IQGAP3: variants seen among roughly 807,000 people sequenced by gnomAD.
The protein encoded by IQGAP3 is ras GTPase-activating-like protein IQGAP3.
Under a neutral mutation model 208.2 loss-of-function variants are expected in IQGAP3, and 165 were observed. The ratio of observed to expected loss-of-function variants is 0.79; its 90% CI spans 0.70 to 0.90. IQGAP3 has a LOEUF of 0.90. Among genes scored for constraint, IQGAP3 ranks in the 40% least tolerant of loss-of-function variants. The probability of loss-of-function intolerance (pLI) is 0.00; values close to 1 mark genes in which losing one functional copy is unlikely to be tolerated. For missense variants in IQGAP3, 1,811 were observed against 2,043.1 expected (o/e 0.89, Z 2.19); for synonymous variants, 703 against 803.6 (o/e 0.87, Z 2.12).
intron 34 of IQGAP3, 58 bp downstream of exon 34, chr1:156,530,047 T>C: frequency 2.2e-6 from 3 of 1,350,864 alleles, no homozygotes; most frequent in Non-Finnish European, 3.1e-6. Context: ...AACATGTATA[T>C]GCACGCACAC....
At position 156,572,378 on chromosome 1, in the gene IQGAP3, C is replaced by T; in HGVS notation, c.37+115G>A. On this transcript the variant is annotated intron_variant, in intron 1 of 37. Transcript: ENST00000361170. ...TTCCCGTCCCACTGAGCAGTCCCAC[C>T]GCCCTCGCCCCTCAGGCTTCACGCC... 3 of 1,161,596 alleles carry T rather than the reference C, an allele frequency of 2.6e-6. No homozygotes were observed. In the South Asian group the frequency reaches 3.7e-5, roughly 14 times the overall value. 72.0% of individuals were successfully genotyped at this position (1,161,596 alleles called of 1,614,324 possible).
chr1:156,562,744 T>C, intron 8 of IQGAP3, 79 bp from the exon 9 acceptor site: 3 of 1,252,980 alleles, frequency 2.4e-6, no homozygotes, highest in Admixed American at 3.4e-5. Context: ...CTGGCTACAC[T>C]TATTTCTTCT....
intron 19 of IQGAP3, among the ~76,000 whole-genome samples, chr1:156,545,503 CTT>C (rs34641885): frequency 7.7e-5 from 11 of 142,402 alleles, no homozygotes; most frequent in East Asian, 2.0e-4. Context: ...TACTTCCTGT[CTT>C]TTTTTTTTTT....
At chr1:156,527,928 A>G in intron 37 of IQGAP3, 24 bp downstream of exon 37, 6 of 1,518,628 alleles carry the variant, frequency 4.0e-6, no homozygotes, top group Non-Finnish European at 5.5e-6. Flanking sequence ...GATGTCCTGC[A>G]GGCTCATGGG....
intron 31 of IQGAP3, 94 bp downstream of exon 31, chr1:156,533,679 C>T: frequency 2.1e-6 from 2 of 970,290 alleles, no homozygotes; most frequent in Non-Finnish European, 3.2e-6. Context: ...AAGACCTAGG[C>T]TGCATGGGCA....
chr1:156,554,115 G>T, intron 13 of IQGAP3, 120 bp downstream of exon 13: 1 of 1,220,342 alleles, frequency 8.2e-7, no homozygotes, highest in Non-Finnish European at 1.1e-6. Flanking sequence ...AGACCCAGAG[G>T]GTGGGCCTGG....
At position 156,569,397 on chromosome 1, in the gene IQGAP3, C is replaced by G; in HGVS notation, c.104G>C (p.Cys35Ser). ...RRQNVAYQYL[C>S]RLEEAKRWME... ...TCACCGCTTGGCCTCCTCCAGCCGG[C>G]ACAGGTACTGATAGGCAACATTCTG... The change falls in exon 2 of 38, where the codon TGC becomes TCC. Residue 35 changes from cysteine (C) to serine (S), a missense_variant. Physicochemically the swap from Cys to Ser is moderately radical, Grantham distance 112. Coordinates refer to ENST00000361170, the MANE Select transcript of IQGAP3 (RefSeq NM_178229.5). 1 of 1,613,514 alleles carries G rather than the reference C, an allele frequency of 6.2e-7. No individual in the cohort carries two copies.
chr1:156,550,406 TC>T, intron 15 of IQGAP3, 55 bp from the exon 16 acceptor site: 1 of 1,413,338 alleles, frequency 7.1e-7, no homozygotes, highest in Non-Finnish European at 9.9e-7. Context: ...CTCTCTAGGT[TC>T]CCAGGCCAAG....
In IQGAP3 at chr1:156,526,574, C is replaced by A. The variant is rs761919172; in HGVS notation, c.4808G>T (p.Gly1603Val). Residue 1603 changes from glycine (G) to valine (V), a missense_variant, in exon 38 of 38, where the codon GGT (glycine) becomes GTT (valine). Transcript: ENST00000361170. The part of the protein sequence containing the change: ...YQDLLQLQYE[G>V]VAVMKLFNKA... ...GTTGAAGAGTTTCATGACAGCCACACCCTCATACTGGAGCTGCAGGAGATC... is the reference window on the plus strand; with the variant it reads ...GTTGAAGAGTTTCATGACAGCCACAACCTCATACTGGAGCTGCAGGAGATC... 1 of 1,613,876 alleles carries A rather than the reference C, an allele frequency of 6.2e-7. No homozygotes were observed. Among genetic ancestry groups the A allele is most frequent in the Non-Finnish European group, 8.5e-7 (1 of 1,179,860 alleles).
intron 12 of IQGAP3, among the ~76,000 whole-genome samples, chr1:156,555,924 T>G (rs186498168): frequency 3.3e-4 from 50 of 152,366 alleles, no homozygotes; most frequent in African/African-American, 1.2e-3. Flanking sequence ...ATCCAAGTCA[T>G]GCTGGGAGTA....
Position 156,548,174 on chromosome 1 carries a change from T to A in IQGAP3, c.2203A>T (p.Ile735Phe). 1 of 1,614,104 alleles carries A rather than the reference T, an allele frequency of 6.2e-7. No homozygotes were observed. The highest frequency in any genetic ancestry group is 8.5e-7 in the Non-Finnish European group (1 of 1,180,018). ...QLWKANVGFV[I>F]QLQARLRGFL... ...CCACGGAGGCGGGCCTGGAGCTGGA[T>A]AACAAAGCCGACGTTGGCTTTCCAG... Residue 735 changes from isoleucine (I) to phenylalanine (F), a missense_variant, in exon 19 of 38, where the codon ATC becomes TTC. Coordinates refer to ENST00000361170, the MANE Select transcript of IQGAP3 (RefSeq NM_178229.5).
chr1:156,537,483 A>G (rs1257910904), intron 26 of IQGAP3, among the ~76,000 whole-genome samples, 162 bp from the exon 27 acceptor site: 1 of 152,208 alleles, frequency 6.6e-6, no homozygotes, highest in Admixed American at 6.5e-5. Context: ...GAGAGAAAGG[A>G]CTGGAGAAAT....
chr1:156,539,755 C>T (rs1674884953), intron 24 of IQGAP3, 83 bp downstream of exon 24: 1 of 1,507,726 alleles, frequency 6.6e-7, no homozygotes, highest in Non-Finnish European at 9.2e-7. Flanking sequence ...TTGCATGGTG[C>T]CAAACGCACA....
chr1:156,539,001 G>C lies in IQGAP3; in HGVS notation c.3089C>G (p.Thr1030Arg). The C allele has an allele frequency of 5.0e-6, 8 of 1,614,104 alleles. No homozygotes were observed. The highest frequency in any genetic ancestry group is 5.9e-6 in the Non-Finnish European group (7 of 1,179,988). ...CAGCCTCACCACTGTTGGGTTGCCT[G>C]TCACCACGTCCTGGGGCTGCTCCAC... ...SKVEQPQDVV[T>R]GNPTVVRLVV... The change falls in exon 26 of 38, where the codon ACA becomes AGA. Residue 1030 changes from threonine to arginine, a missense_variant. Thr to Arg is a moderately conservative substitution (Grantham distance 71, BLOSUM62 -1). Transcript: ENST00000361170.
At chr1:156,534,796 A>G in intron 28 of IQGAP3, 63 bp from the exon 29 acceptor site, 1 of 1,239,122 alleles carries the variant, frequency 8.1e-7, no homozygotes. Flanking sequence ...GCGGCCCCAC[A>G]TTCTCAGCTT....
rs759473769 is a variant in IQGAP3, at chr1:156,530,173, G to A, written c.4336C>T (p.Arg1446Ter). The A allele has an allele frequency of 5.6e-6, 9 of 1,611,716 alleles. No individual in the cohort carries two copies. The highest frequency in any genetic ancestry group is 2.2e-5 in the South Asian group (2 of 90,290). Residue 1446 changes from arginine to a stop codon, truncating the protein, a stop_gained, in exon 34 of 38, where the codon CGA becomes TGA. Coordinates refer to ENST00000361170, the MANE Select transcript of IQGAP3 (RefSeq NM_178229.5). LOFTEE classifies it high-confidence loss of function. ...CTGACCAACCCCAGGGCTTCAAGTC[G>A]GCGTAGGTTCCGCAGGACGCGCCGC... ...KQRRVLRNLR[R>*]LEALGLVSAR... is the part of the protein sequence containing the mutation.
chr1:156,534,213 C>T (rs1674570935), intron 29 of IQGAP3, 72 bp from the exon 30 acceptor site: 3 of 1,598,476 alleles, frequency 1.9e-6, no homozygotes, highest in South Asian at 1.1e-5. Flanking sequence ...CCCATCATTT[C>T]CCCAGCCTTC....
intron 1 of IQGAP3, among the ~76,000 whole-genome samples, chr1:156,570,439 A>C (rs947647527): frequency 1.3e-5 from 2 of 150,550 alleles, no homozygotes; most frequent in African/African-American, 4.8e-5. Flanking sequence ...TACTGGGCCT[A>C]GACCTGAGCC....
Position 156,538,993 on chromosome 1 carries a change from G to A in IQGAP3, c.3097C>T (p.Pro1033Ser), listed in dbSNP as rs779968096. Residue 1033 changes from proline (P) to serine (S), a missense_variant, in exon 26 of 38, where the codon CCA (proline) becomes TCA (serine). Transcript: ENST00000361170. The stretch of plus-strand genomic sequence containing the variant: ...CTCACCACCAGCCTCACCACTGTTG[G>A]GTTGCCTGTCACCACGTCCTGGGGC... ...EQPQDVVTGN[P>S]TVVRLVVRFY... 3.1e-6 allele frequency: 5 copies of A among 1,614,120 alleles called. No homozygotes were observed. In the South Asian group the frequency reaches 5.5e-5, roughly 18 times the overall value.
Sources: allele counts gnomAD v4.1 joint callset (sites outside exome capture counted in the v4.1 genomes callset), GRCh38; gene constraint gnomAD v4.1.1; transcripts MANE v1.5; gene names NCBI Gene and HGNC (gene_info 2026-07-23, HGNC 2026-07-21).